CRBN: variants seen among roughly 807,000 people sequenced by gnomAD.
The protein encoded by CRBN is protein cereblon.
CRBN carries 53 observed loss-of-function variants against 62.2 expected under a neutral mutation model. The ratio of observed to expected loss-of-function variants is 0.85; its 90% CI spans 0.68 to 1.07. The LOEUF (loss-of-function observed/expected upper bound fraction) is 1.07, where lower values mean the gene tolerates loss of function less well. Ranked by LOEUF, CRBN falls within the 50% of genes least tolerant of loss-of-function variation. CRBN has a pLI of 0.00. For synonymous variants in CRBN, 208 were observed against 176.1 expected, an observed-to-expected ratio of 1.18 and a Z score of -1.43; for missense variants, 616 against 531.1, an observed-to-expected ratio of 1.16 and a Z score of -1.57.
chr3:3,173,680 A>G (rs1575100193), intron 3 of CRBN, among the ~76,000 whole-genome samples: 1 of 152,300 alleles, frequency 6.6e-6, no homozygotes, highest in Middle Eastern at 3.4e-3. Context: ...TTTGAGAGAG[A>G]GGGAAAGAAA....
chr3:3,168,021 T>C (rs1020919072), intron 4 of CRBN, among the ~76,000 whole-genome samples: 1 of 146,906 alleles, frequency 6.8e-6, no homozygotes, highest in Non-Finnish European at 1.5e-5. Flanking sequence ...GGATCTTCAA[T>C]GTCACTGTGG....
In CRBN at chr3:3,168,159, C is replaced by T. The variant is rs1399058214; in HGVS notation, c.528-366G>A. On this transcript the variant is annotated intron_variant, in intron 4 of 10. Transcript: ENST00000231948. The stretch of plus-strand genomic sequence containing the variant: ...ACTTTCTTAAACATTCTTAAGACAC[C>T]CAAATTCTTCTATCCCCCCACTTCT... Among the ~76,000 whole-genome samples the T allele has an allele frequency of 1.8e-3, 274 of 151,586 alleles. 2 individuals carry two copies. The highest frequency in any genetic ancestry group is 6.3e-3 in the African/African-American group (258 of 41,052).
At chr3:3,151,304 A>T (rs711626) in intron 10 of CRBN, among the ~76,000 whole-genome samples, 139,236 of 152,252 alleles carry the variant, frequency 0.91, 64,954 homozygotes, top group East Asian at 1. Flanking sequence ...AGTAATCTTA[A>T]GAATTTCTTT....
At chr3:3,170,468 G>A (rs897288064) in intron 4 of CRBN, among the ~76,000 whole-genome samples, 1 of 152,174 alleles carries the variant, frequency 6.6e-6, no homozygotes, top group Non-Finnish European at 1.5e-5. Context: ...TATAATGGAA[G>A]GAGTACCAGT....
intron 1 of CRBN, among the ~76,000 whole-genome samples, chr3:3,178,470 G>C (rs573162082): frequency 7.9e-5 from 12 of 152,198 alleles, no homozygotes; most frequent in Admixed American, 2.6e-4. Flanking sequence ...ACTGGCAAGA[G>C]ATGCCAGTTT....
At chr3:3,161,706 T>C (rs1707147298) in intron 5 of CRBN, among the ~76,000 whole-genome samples, 1 of 152,232 alleles carries the variant, frequency 6.6e-6, no homozygotes. Context: ...TTTTTAAAAC[T>C]GACAGAATTA....
At chr3:3,159,678 A>G (rs1034342850) in intron 5 of CRBN, among the ~76,000 whole-genome samples, 1 of 152,196 alleles carries the variant, frequency 6.6e-6, no homozygotes, top group African/African-American at 2.4e-5. Context: ...ATCCTGACAG[A>G]TTCAAATATG....
intron 6 of CRBN, chr3:3,155,229 T>C (rs1403796504): frequency 5.7e-6 from 1 of 174,618 alleles, no homozygotes; most frequent in African/African-American, 2.4e-5. Flanking sequence ...ACCTATTTAC[T>C]ACATAATTTT....
chr3:3,156,191 T>C (rs1444319922), intron 6 of CRBN, 28 bp downstream of exon 6: 14 of 1,579,038 alleles, frequency 8.9e-6, no homozygotes, highest in African/African-American at 2.7e-5. Flanking sequence ...CTACCATATA[T>C]AAAGTAAATT....
intron 5 of CRBN, among the ~76,000 whole-genome samples, chr3:3,166,273 ATGGGAGTTTTCC>A (rs1025688274): frequency 6.6e-6 from 1 of 152,142 alleles, no homozygotes; most frequent in Non-Finnish European, 1.5e-5. Context: ...GGTTTTAAAA[ATGGGAGTTTTCC>A]TGTACAAGTT....
intron 2 of CRBN, among the ~76,000 whole-genome samples, chr3:3,174,644 C>CA (rs933360271): frequency 3.6e-4 from 52 of 144,760 alleles, no homozygotes; most frequent in African/African-American, 1.2e-3. Flanking sequence ...CACTCTGTCT[C>CA]AAAAAAAAAG....
rs1386181508 is a variant in CRBN at position 3,154,851 on chromosome 3, G to A, written c.751-20C>T. 1.4e-6 allele frequency: 2 copies of A among 1,410,144 alleles called. No individual in the cohort carries two copies. The highest frequency in any genetic ancestry group is 2.3e-5 in the South Asian group (2 of 86,906). The allele number at this position is 1,410,144 out of a possible 1,614,324, so 87.4% of individuals were successfully genotyped here. On this transcript the variant is annotated intron_variant, in intron 6 of 10. Transcript: ENST00000231948. The stretch of plus-strand genomic sequence containing the variant: ...GGTCTCCTTGTTTAAAATAAAGGTA[G>A]CCATAATCAAGTTCATGGGCTTATT...
intron 3 of CRBN, among the ~76,000 whole-genome samples, chr3:3,173,448 G>C (rs1707709315): frequency 6.6e-6 from 1 of 152,160 alleles, no homozygotes. Context: ...TAGATTTCTA[G>C]TCACTGAAAA....
intron 5 of CRBN, among the ~76,000 whole-genome samples, chr3:3,162,892 C>G (rs1187676700): frequency 1.3e-5 from 2 of 152,170 alleles, no homozygotes; most frequent in African/African-American, 4.8e-5. Context: ...CAGGAATGAA[C>G]TGAACCTTGT....
intron 5 of CRBN, among the ~76,000 whole-genome samples, chr3:3,166,707 G>A (rs1023791059): frequency 6.6e-6 from 1 of 152,094 alleles, no homozygotes; most frequent in Non-Finnish European, 1.5e-5. Flanking sequence ...TGCCCATCAA[G>A]TGCCCATTCT....
intron 2 of CRBN, among the ~76,000 whole-genome samples, chr3:3,174,893 C>G (rs145775210): frequency 0.011 from 1,744 of 152,212 alleles, 31 homozygotes; most frequent in South Asian, 0.031. Flanking sequence ...TTCAATAACA[C>G]TCTAGTACCT....
intron 5 of CRBN, among the ~76,000 whole-genome samples, chr3:3,166,214 C>A (rs925493893): frequency 3.3e-5 from 5 of 152,200 alleles, no homozygotes; most frequent in Non-Finnish European, 4.4e-5. Context: ...GGGGGCAGGT[C>A]TTTCCTGTGC....
intron 5 of CRBN, among the ~76,000 whole-genome samples, chr3:3,162,372 A>C (rs1385854215): frequency 6.6e-6 from 1 of 152,062 alleles, no homozygotes; most frequent in East Asian, 1.9e-4. Flanking sequence ...CCCTACAGTA[A>C]ACCAGTGAAT....
chr3:3,149,760 C>T (rs1706355457), downstream of CRBN: 1 of 152,058 alleles, frequency 6.6e-6, no homozygotes, highest in South Asian at 2.1e-4. Flanking sequence ...CAGTGTGACA[C>T]TCAACTGATT....
Sources: allele counts gnomAD v4.1 joint callset (sites outside exome capture counted in the v4.1 genomes callset), GRCh38; gene constraint gnomAD v4.1.1; transcripts MANE v1.5; gene names NCBI Gene and HGNC (gene_info 2026-07-23, HGNC 2026-07-21).